RARB: variants seen among roughly 807,000 people sequenced by gnomAD.
RARB encodes the protein retinoic acid receptor beta, also known as HBV-activated protein.
RARB carries 17 observed loss-of-function variants against 51.9 expected under a neutral mutation model. The observed-to-expected ratio is 0.33, with a 90% CI of 0.22 to 0.49. The LOEUF (loss-of-function observed/expected upper bound fraction) is 0.49, where lower values mean the gene tolerates loss of function less well. Among genes scored for constraint, RARB ranks in the 20% least tolerant of loss-of-function variants. RARB has a pLI of 0.99. For synonymous variants in RARB, 215 were observed against 195.4 expected (o/e 1.10, Z -0.84); for missense variants, 369 against 550.8 (o/e 0.67, Z 3.30).
At chr3:25,580,495 C>A in intron 4 of RARB, 51 bp from the exon 5 acceptor site, 1 of 1,473,950 alleles carries the variant, frequency 6.8e-7, no homozygotes, top group South Asian at 1.3e-5. Context: ...TTCTCCCCTC[C>A]TATAGAGCTT....
At chr3:25,070,404 T>C (rs549266825) in intron 3 of RARB, among the ~76,000 whole-genome samples, 37 of 152,156 alleles carry the variant, frequency 2.4e-4, no homozygotes, top group Non-Finnish European at 4.4e-4. Flanking sequence ...ATTAGCGATA[T>C]TTGAAGTCTT....
intron 2 of RARB, among the ~76,000 whole-genome samples, chr3:24,967,387 C>T (rs900174047): frequency 1.3e-5 from 2 of 152,138 alleles, no homozygotes; most frequent in Admixed American, 6.5e-5. Context: ...CGTTGCATTT[C>T]TTCACTACCC....
chr3:25,152,292 G>C (rs1700300059), intron 4 of RARB, among the ~76,000 whole-genome samples: 1 of 152,084 alleles, frequency 6.6e-6, no homozygotes, highest in South Asian at 2.1e-4. Context: ...GGAAAACTTG[G>C]CTAAAAATTT....
At chr3:24,831,203 A>C (rs1032684510) in intron 1 of RARB, among the ~76,000 whole-genome samples, 2 of 152,228 alleles carry the variant, frequency 1.3e-5, no homozygotes, top group Non-Finnish European at 2.9e-5. Flanking sequence ...GAATGTTGCT[A>C]AAGTACTGTC....
chr3:24,908,661 C>CTGTTT (rs370169680), intron 2 of RARB, among the ~76,000 whole-genome samples: 1 of 47,018 alleles, frequency 2.1e-5, no homozygotes, highest in Non-Finnish European at 4.6e-5. Context: ...GTAACCACAA[C>CTGTTT]TGTTTTTTTT....
chr3:25,519,905 A>T (rs1034408818), intron 3 of RARB, among the ~76,000 whole-genome samples: 1 of 152,210 alleles, frequency 6.6e-6, no homozygotes, highest in Non-Finnish European at 1.5e-5. Flanking sequence ...TTCCCCCAAG[A>T]GGATCAAATC....
intron 2 of RARB, among the ~76,000 whole-genome samples, chr3:24,869,400 C>T (rs1004157414): frequency 1.4e-4 from 21 of 152,058 alleles, no homozygotes; most frequent in Admixed American, 1.2e-3. Context: ...TCAAATTATG[C>T]TTCCTGATTT....
Position 25,367,758 on chromosome 3 carries a change from C to T in RARB, c.179-93435C>T, listed in dbSNP as rs148676409. The stretch of plus-strand genomic sequence containing the variant: ...GGAGGATTGCTTGAACCCAGAAGAT[C>T]GCACCCCTGCACTCCAGCCTGGGTG... On this transcript the variant is annotated intron_variant, in intron 5 of 11. Transcript: ENST00000383772. 1.2e-3 allele frequency among the ~76,000 whole-genome samples: 173 copies of T among 149,524 alleles called. 1 individual carries two copies. The highest frequency in any genetic ancestry group is 3.4e-3 in the Middle Eastern group (1 of 290).
chr3:25,450,990 G>A (rs1248832898), intron 1 of RARB, among the ~76,000 whole-genome samples: 1 of 152,220 alleles, frequency 6.6e-6, no homozygotes, highest in Non-Finnish European at 1.5e-5. Flanking sequence ...GGGAGGCTGA[G>A]GCAGGAGAAT....
At chr3:25,102,099 T>C (rs1699410637) in intron 3 of RARB, among the ~76,000 whole-genome samples, 1 of 152,134 alleles carries the variant, frequency 6.6e-6, no homozygotes, top group Admixed American at 6.6e-5. Context: ...GTGCCATAAA[T>C]TAGGTACCAC....
chr3:25,482,509 T>C (rs1396001682), intron 2 of RARB, among the ~76,000 whole-genome samples: 1 of 150,008 alleles, frequency 6.7e-6, no homozygotes, highest in Non-Finnish European at 1.5e-5. Flanking sequence ...CTTTAAATTT[T>C]CTAGCAGCCA....
chr3:24,949,869 G>A (rs989502941), intron 2 of RARB, among the ~76,000 whole-genome samples: 3 of 151,940 alleles, frequency 2.0e-5, no homozygotes, highest in Non-Finnish European at 4.4e-5. Context: ...CGGCAACTGG[G>A]TTAAAAAAAA....
intron 5 of RARB, among the ~76,000 whole-genome samples, chr3:25,367,968 T>C (rs1706181329): frequency 6.6e-6 from 1 of 152,096 alleles, no homozygotes; most frequent in South Asian, 2.1e-4. Flanking sequence ...GGCAATTAAG[T>C]TTTCGGTGCT....
chr3:24,936,413 A>G (rs2125396979), intron 2 of RARB, among the ~76,000 whole-genome samples: 1 of 152,288 alleles, frequency 6.6e-6, no homozygotes, highest in East Asian at 1.9e-4. Flanking sequence ...TTTAAAAGTC[A>G]CAGAATGGTA....
At chr3:25,130,928 TC>T (rs1332766266) in intron 3 of RARB, among the ~76,000 whole-genome samples, 54 of 27,376 alleles carry the variant, frequency 2.0e-3, no homozygotes, top group African/African-American at 8.7e-3. Flanking sequence ...TCAATATTTA[TC>T]ATTGATAATA....
intron 2 of RARB, among the ~76,000 whole-genome samples, chr3:25,050,912 A>G (rs1698320036): frequency 6.6e-6 from 1 of 152,204 alleles, no homozygotes; most frequent in Non-Finnish European, 1.5e-5. Context: ...CTTCAACTCA[A>G]CAGAGTTTAA....
chr3:25,042,693 C>T (rs1698137120), intron 2 of RARB, among the ~76,000 whole-genome samples: 1 of 152,200 alleles, frequency 6.6e-6, no homozygotes, highest in Non-Finnish European at 1.5e-5. Flanking sequence ...ATGTAATCCA[C>T]TGTGTAGTTA....
intron 3 of RARB, among the ~76,000 whole-genome samples, chr3:25,513,195 G>A (rs1177648906): frequency 6.6e-6 from 1 of 151,936 alleles, no homozygotes; most frequent in Non-Finnish European, 1.5e-5. Flanking sequence ...GCTAAGGCAG[G>A]AGAATCGCTT....
intron 3 of RARB, among the ~76,000 whole-genome samples, chr3:25,119,301 T>C (rs553138081): frequency 6.6e-6 from 1 of 152,222 alleles, no homozygotes; most frequent in Non-Finnish European, 1.5e-5. Context: ...AAGGAGAATA[T>C]GCTTTGAAAT....
Sources: gnomAD v4.1 joint callset for allele counts (sites outside exome capture counted in the v4.1 genomes callset) on GRCh38, gnomAD v4.1.1 for gene constraint, MANE v1.5 for transcripts, NCBI Gene and HGNC (gene_info 2026-07-23, HGNC 2026-07-21) for gene names.